VPS13A: variants seen among roughly 807,000 people sequenced by gnomAD.
VPS13A encodes the protein vacuolar protein sorting 13 homolog A.
VPS13A carries 264 observed loss-of-function variants against 390.9 expected under a neutral mutation model. That is an observed-to-expected ratio of 0.68 (90% confidence interval 0.61 to 0.75). VPS13A has a LOEUF of 0.75. VPS13A is among the 30% of genes least tolerant of loss of function. The probability of loss-of-function intolerance (pLI) is 0.00; values close to 1 mark genes in which losing one functional copy is unlikely to be tolerated. For synonymous variants in VPS13A, 1,231 were observed against 1,227.1 expected, an observed-to-expected ratio of 1.00 and a Z score of -0.07; for missense variants, 3,409 against 3,733.9, an observed-to-expected ratio of 0.91 and a Z score of 2.27.
At chr9:77,377,212 T>TG (rs1554675543) in intron 67 of VPS13A, among the ~76,000 whole-genome samples, 12 of 115,614 alleles carry the variant, frequency 1.0e-4, no homozygotes, top group East Asian at 2.4e-4. Flanking sequence ...TGTTTTTTTT[T>TG]TTTTTTTTTT....
chr9:77,180,202 T>G lies in VPS13A; in HGVS notation c.100+2398T>G, dbSNP rs561120569. On this transcript the variant is annotated intron_variant, in intron 1 of 71. Transcript: ENST00000360280. ...ATTCATGTACAAGTTTTTTTGTGGATGTATGTTTTAAATTCTCTTGGATAT... is the reference window on the plus strand; with the variant it reads ...ATTCATGTACAAGTTTTTTTGTGGAGGTATGTTTTAAATTCTCTTGGATAT... 2.0e-5 allele frequency among the ~76,000 whole-genome samples: 3 copies of G among 152,314 alleles called. No individual in the cohort carries two copies. In the South Asian group the frequency reaches 6.2e-4, roughly 32 times the overall value.
chr9:77,390,251 G>A, intron 68 of VPS13A: 2 of 356,466 alleles, frequency 5.6e-6, no homozygotes, highest in South Asian at 2.3e-4. Context: ...ACTGAAGAGA[G>A]CCAAATTGTG....
intron 17 of VPS13A, among the ~76,000 whole-genome samples, chr9:77,231,382 A>G (rs1034156789): frequency 6.6e-6 from 1 of 152,124 alleles, no homozygotes; most frequent in African/African-American, 2.4e-5. Context: ...ATCATTTTAC[A>G]ATCCCACCAG....
At chr9:77,398,621 A>G (rs1834218810) in intron 68 of VPS13A, among the ~76,000 whole-genome samples, 1 of 152,116 alleles carries the variant, frequency 6.6e-6, no homozygotes, top group Admixed American at 6.6e-5. Flanking sequence ...ACAACGTGAC[A>G]TTTGTAGACT....
intron 55 of VPS13A, 86 bp from the exon 56 acceptor site, chr9:77,357,606 G>GT: frequency 7.2e-7 from 1 of 1,380,188 alleles, no homozygotes; most frequent in Non-Finnish European, 1.0e-6. Context: ...GTAGCTTACT[G>GT]TTTTAAAAAG....
At chr9:77,240,483 T>TTTGTTTG (rs1824420044) in intron 19 of VPS13A, among the ~76,000 whole-genome samples, 4 of 148,452 alleles carry the variant, frequency 2.7e-5, no homozygotes, top group Non-Finnish European at 6.0e-5. Flanking sequence ...TTTTTGTTTT[T>TTTGTTTG]TTTTTTTTTT....
chr9:77,377,313 G>C (rs569771834), intron 67 of VPS13A, among the ~76,000 whole-genome samples: 1 of 138,476 alleles, frequency 7.2e-6, no homozygotes, highest in South Asian at 2.5e-4. Flanking sequence ...TCCGCTTCCC[G>C]GGTTCACGCC....
In VPS13A at chr9:77,366,681, A is replaced by G. The variant is rs1319981740; in HGVS notation, c.8326-46A>G. 2.0e-6 allele frequency: 3 copies of G among 1,512,988 alleles called. No homozygotes were observed. In the South Asian group the frequency reaches 3.6e-5, roughly 18 times the overall value. The allele number at this position is 1,512,988 out of a possible 1,614,324, so 93.7% of individuals were successfully genotyped here. A position where few individuals can be genotyped will look rare whatever the true frequency, so the allele number is the denominator to read the frequency against. On this transcript the variant is annotated intron_variant, in intron 60 of 71. Transcript: ENST00000360280. ...TGATTTTTTAAGAGTTAAAATTGTCAATATGAAGAAAATACTTTTAAATAT... is the reference window on the plus strand; with the variant it reads ...TGATTTTTTAAGAGTTAAAATTGTCGATATGAAGAAAATACTTTTAAATAT...
At chr9:77,366,548 T>G (rs1832440778) in intron 60 of VPS13A, among the ~76,000 whole-genome samples, 179 bp from the exon 61 acceptor site, 1 of 152,132 alleles carries the variant, frequency 6.6e-6, no homozygotes, top group Admixed American at 6.5e-5. Context: ...AAGATTTAAA[T>G]AGAGCTATGT....
chr9:77,387,279 CTT>C (rs1833727994), intron 68 of VPS13A, among the ~76,000 whole-genome samples: 1 of 152,080 alleles, frequency 6.6e-6, no homozygotes, highest in South Asian at 2.1e-4. Flanking sequence ...AAGATGAACT[CTT>C]GTTTATCAAT....
chr9:77,338,150 T>C (rs558562799), intron 47 of VPS13A: 1 of 152,280 alleles, frequency 6.6e-6, no homozygotes, highest in African/African-American at 2.4e-5. Flanking sequence ...TATTTTTTAA[T>C]TTTTAATTTT....
rs1835264822 is a variant in VPS13A, at chr9:77,419,095, T to C, written c.*3089T>C. ...ACCAAATACATTGACAGTGGATGCT[T>C]TCATGGCTCAGCCAACACAGTTCAG... is the stretch of plus-strand genomic sequence containing the variant. On this transcript the variant is annotated 3_prime_UTR_variant, in exon 72 of 72. Transcript: ENST00000360280. 1 of 152,152 alleles carries C rather than the reference T, an allele frequency of 6.6e-6. No homozygotes were observed. Among genetic ancestry groups the C allele is most frequent in the South Asian group, 2.1e-4 (1 of 4,828 alleles). 9.4% of individuals were successfully genotyped at this position (152,152 alleles called of 1,614,324 possible). A position where few individuals can be genotyped will look rare whatever the true frequency, so the allele number is the denominator to read the frequency against.
At chr9:77,269,308 T>C (rs1355290534) in intron 23 of VPS13A, among the ~76,000 whole-genome samples, 1 of 152,212 alleles carries the variant, frequency 6.6e-6, no homozygotes, top group Non-Finnish European at 1.5e-5. Flanking sequence ...TTCCATTTTG[T>C]TTGTTAAAAA....
chr9:77,189,171 A>G (rs1388274133), intron 1 of VPS13A, among the ~76,000 whole-genome samples: 1 of 137,558 alleles, frequency 7.3e-6, no homozygotes, highest in African/African-American at 2.8e-5. Flanking sequence ...AATTTTCATC[A>G]TGAAATCTTT....
At chr9:77,331,814 A>G (rs946984288) in intron 45 of VPS13A, among the ~76,000 whole-genome samples, 196 bp from the exon 46 acceptor site, 1 of 151,966 alleles carries the variant, frequency 6.6e-6, no homozygotes, top group Non-Finnish European at 1.5e-5. Flanking sequence ...TGAGATTCCT[A>G]TTATATAAAA....
At position 77,415,971 on chromosome 9, in the gene VPS13A, C is replaced by G. The variant is rs755545079; in HGVS notation, c.9490C>G (p.Leu3164Val). 1.9e-6 allele frequency: 3 copies of G among 1,613,488 alleles called. No individual in the cohort carries two copies. In the South Asian group the frequency reaches 3.3e-5, roughly 18 times the overall value. ...PEDARWILTK[L>V]QEAREPSPSL ...CCCACCGCAGTGGATCCTCACAAAG[C>G]TACAAGAAGCAAGAGAACCTTCTCC... The change falls in exon 72 of 72, where the codon CTA becomes GTA. Residue 3164 changes from leucine (L) to valine (V), a missense_variant. Physicochemically the swap from Leu to Val is conservative, Grantham distance 32. Coordinates refer to ENST00000360280, the MANE Select transcript of VPS13A (RefSeq NM_033305.3).
At chr9:77,222,230 G>A (rs1410963264) in intron 13 of VPS13A, among the ~76,000 whole-genome samples, 3 of 152,106 alleles carry the variant, frequency 2.0e-5, no homozygotes, top group African/African-American at 7.2e-5. Context: ...GTCTTTGGGG[G>A]ATGGGTTCAG....
chr9:77,201,147 C>CCAAT (rs1825309224), intron 2 of VPS13A, among the ~76,000 whole-genome samples: 1 of 151,766 alleles, frequency 6.6e-6, no homozygotes, highest in Non-Finnish European at 1.5e-5. Flanking sequence ...ACCTTTATCC[C>CCAAT]CAATTATTAT....
chr9:77,358,460 T>C lies in VPS13A; in HGVS notation c.8035+22T>C, dbSNP rs895278910. On this transcript the variant is annotated intron_variant, in intron 57 of 71. Coordinates refer to ENST00000360280, the MANE Select transcript of VPS13A (RefSeq NM_033305.3). ...TCAGGTTTGTTTTTATTTTTAGATT[T>C]CCATAAAAGCAGTTGTATTAGCTAT... 2.5e-6 allele frequency: 4 copies of C among 1,582,866 alleles called. No homozygotes were observed. In the Admixed American group the frequency reaches 5.0e-5, roughly 20 times the overall value.
Sources: allele counts gnomAD v4.1 joint callset (sites outside exome capture counted in the v4.1 genomes callset), GRCh38; gene constraint gnomAD v4.1.1; transcripts MANE v1.5; gene names NCBI Gene and HGNC (gene_info 2026-07-23, HGNC 2026-07-21).